Variants in HMMR observed in about 807,000 individuals in gnomAD.
HMMR encodes the protein hyaluronan mediated motility receptor.
A neutral mutation model predicts 101.0 loss-of-function variants in HMMR; 108 were observed. The observed-to-expected ratio is 1.07, with a 90% CI of 0.92 to 1.25. The LOEUF is 1.25. Ranked by LOEUF, HMMR falls within the 50% of genes most tolerant of loss-of-function variation. HMMR has a pLI of 0.00. For synonymous variants in HMMR, 296 were observed against 276.4 expected, an observed-to-expected ratio of 1.07 and a Z score of -0.70; for missense variants, 813 against 788.7, an observed-to-expected ratio of 1.03 and a Z score of -0.37.
chr5:163,489,048 G>T (rs1759584215), intron 16 of HMMR, among the ~76,000 whole-genome samples: 1 of 152,164 alleles, frequency 6.6e-6, no homozygotes, highest in East Asian at 1.9e-4. Context: ...CTTGTGATGG[G>T]TTTATGTGGA....
intron 4 of HMMR, among the ~76,000 whole-genome samples, chr5:163,468,346 T>C (rs1266924229): frequency 6.6e-6 from 1 of 152,240 alleles, no homozygotes; most frequent in African/African-American, 2.4e-5. Flanking sequence ...GCAGCTACCA[T>C]ACTGGACAGG....
chr5:163,488,016 C>T (rs1009947596), intron 16 of HMMR, among the ~76,000 whole-genome samples: 12 of 152,094 alleles, frequency 7.9e-5, no homozygotes, highest in African/African-American at 1.2e-4. Context: ...CCACCACATC[C>T]GGCTAATTTT....
chr5:163,478,815 A>G lies in HMMR; in HGVS notation c.1385+15A>G. 2 of 1,358,256 alleles carry G rather than the reference A, an allele frequency of 1.5e-6. No individual in the cohort carries two copies. Among genetic ancestry groups the G allele is most frequent in the Admixed American group, 3.3e-5 (2 of 59,712 alleles). 84.1% of individuals were successfully genotyped at this position (1,358,256 alleles called of 1,614,324 possible). On this transcript the variant is annotated intron_variant, in intron 12 of 17. Coordinates refer to ENST00000393915, the MANE Select transcript of HMMR (RefSeq NM_001142556.2). ...CAATTTGAAAGGTATTTTTCTTGGG[A>G]GCCTGCACTCTTAAATATGATGTGT...
intron 5 of HMMR, among the ~76,000 whole-genome samples, chr5:163,470,880 G>A (rs1758863706): frequency 6.6e-6 from 1 of 152,040 alleles, no homozygotes; most frequent in South Asian, 2.1e-4. Context: ...GGTAATCCCA[G>A]CTACTCAGGA....
rs902194149 is a variant in HMMR, at chr5:163,469,719, G to A, written c.352G>A (p.Ala118Thr). ...DLETELEKME[A>T]RLNAALREKT... ...GGAAACTGAGTTGGAAAAGATGGAA[G>A]CAAGGCTAAATGCTGCACTAAGGGA... is the stretch of plus-strand genomic sequence containing the variant. The change falls in exon 5 of 18, where the codon GCA (alanine) becomes ACA (threonine). Residue 118 changes from alanine (A) to threonine (T), a missense_variant. Physicochemically the swap from Ala to Thr is moderately conservative, Grantham distance 58. Transcript: ENST00000393915. 2 of 1,613,556 alleles carry A rather than the reference G, an allele frequency of 1.2e-6. No individual in the cohort carries two copies. The highest frequency in any genetic ancestry group is 1.3e-5 in the African/African-American group (1 of 74,904).
intron 1 of HMMR, among the ~76,000 whole-genome samples, chr5:163,463,233 A>G (rs1233819556): frequency 6.6e-6 from 1 of 152,212 alleles, no homozygotes; most frequent in Non-Finnish European, 1.5e-5. Flanking sequence ...TTCTTTGTCT[A>G]TAAATTATCA....
chr5:163,486,338 A>C (rs1430334275), intron 16 of HMMR, among the ~76,000 whole-genome samples: 2 of 152,170 alleles, frequency 1.3e-5, no homozygotes, highest in Non-Finnish European at 2.9e-5. Flanking sequence ...TTCAGAGTAT[A>C]AGTTTTCCAC....
intron 12 of HMMR, among the ~76,000 whole-genome samples, chr5:163,479,444 G>A (rs1759184615): frequency 6.6e-6 from 1 of 152,180 alleles, no homozygotes; most frequent in Admixed American, 6.5e-5. Context: ...ACCAAGGCAG[G>A]AGGATTGCTT....
rs781660866 is a variant in HMMR, at chr5:163,478,741, G to T, written c.1326G>T (p.Leu442Phe). ...SAAHTQATLL[L>F]QEKYDSMVQS... is the part of the protein sequence containing the mutation. ...CTCATACCCAGGCCACCCTGCTTTT[G>T]CAGGAAAAGTATGACAGTATGGTGC... Residue 442 changes from leucine (L) to phenylalanine (F), a missense_variant, in exon 12 of 18, where the codon TTG becomes TTT. Physicochemically the swap from Leu to Phe is conservative, Grantham distance 22 (BLOSUM62 0). Transcript: ENST00000393915. 3.7e-6 allele frequency: 6 copies of T among 1,613,676 alleles called. No individual in the cohort carries two copies. Among genetic ancestry groups the T allele is most frequent in the Middle Eastern group, 3.3e-4 (2 of 6,060 alleles).
intron 9 of HMMR, 49 bp downstream of exon 9, chr5:163,473,606 A>G (rs1476750582): frequency 1.7e-6 from 2 of 1,168,882 alleles, no homozygotes; most frequent in Non-Finnish European, 2.4e-6. Context: ...GTTACATACA[A>G]CATTTAGGAA....
chr5:163,490,765 A>G (rs894776984), intron 17 of HMMR, among the ~76,000 whole-genome samples: 1 of 152,226 alleles, frequency 6.6e-6, no homozygotes, highest in Non-Finnish European at 1.5e-5. Flanking sequence ...CTTCAAGGCA[A>G]ATCTCAAATC....
intron 12 of HMMR, among the ~76,000 whole-genome samples, chr5:163,480,125 A>G (rs1005404578): frequency 2.0e-5 from 3 of 152,200 alleles, no homozygotes; most frequent in African/African-American, 7.2e-5. Context: ...AAAGATTTTC[A>G]ACAACTTAGT....
intron 3 of HMMR, among the ~76,000 whole-genome samples, chr5:163,465,619 A>G (rs1758678334): frequency 6.6e-6 from 1 of 151,926 alleles, no homozygotes; most frequent in South Asian, 2.1e-4. Context: ...AAGTGCTGGG[A>G]TTACAGGTGT....
chr5:163,485,967 T>A (rs1013259937), intron 16 of HMMR, among the ~76,000 whole-genome samples: 10 of 152,220 alleles, frequency 6.6e-5, no homozygotes, highest in Non-Finnish European at 1.3e-4. Flanking sequence ...TGTACATGTA[T>A]GGATTTATTT....
intron 4 of HMMR, 21 bp downstream of exon 4, chr5:163,467,769 A>C: frequency 1.5e-6 from 2 of 1,346,638 alleles, no homozygotes. Context: ...CTTTAAACTT[A>C]GTGAAAAGTA....
intron 16 of HMMR, among the ~76,000 whole-genome samples, chr5:163,488,265 C>T (rs963879752): frequency 4.6e-5 from 7 of 152,042 alleles, no homozygotes; most frequent in Admixed American, 4.6e-4. Context: ...ATGACAGGTC[C>T]CGTCAGCCAG....
At chr5:163,464,380 C>A (rs1394469835) in intron 2 of HMMR, among the ~76,000 whole-genome samples, 1 of 152,172 alleles carries the variant, frequency 6.6e-6, no homozygotes, top group Non-Finnish European at 1.5e-5. Context: ...CTCTGTGAGG[C>A]CAAGGTGGGT....
Position 163,467,748 on chromosome 5 carries a change from G to T in HMMR, c.273G>T (p.Glu91Asp). The T allele has an allele frequency of 6.7e-7, 1 of 1,483,978 alleles. No homozygotes were observed. The highest frequency in any genetic ancestry group is 1.1e-5 in the South Asian group (1 of 87,382). 91.9% of individuals were successfully genotyped at this position (1,483,978 alleles called of 1,614,324 possible). ...AAGATTTGAAGATATTAGAGAAAGA[G>T]GTAAGCAGTGCTTTAAACTTAGTGA... ...NDKDLKILEK[E>D]IRVLLQERGA... Residue 91 changes from glutamate to aspartate, a missense_variant and splice_region_variant, in exon 4 of 18, where the codon GAG (glutamate) becomes GAT (aspartate). Coordinates refer to ENST00000393915, the MANE Select transcript of HMMR (RefSeq NM_001142556.2).
At position 163,483,006 on chromosome 5, in the gene HMMR, C is replaced by T. The variant is rs555775307; in HGVS notation, c.1533-14C>T. On this transcript the variant is annotated splice_polypyrimidine_tract_variant and intron_variant, in intron 13 of 17. Coordinates refer to ENST00000393915, the MANE Select transcript of HMMR (RefSeq NM_001142556.2). ...TATAAAATGTTTAGTGACCTCTTCT[C>T]TCTCAAACCAAAGGATGCTTCTAGA... 7.6e-6 allele frequency: 12 copies of T among 1,573,156 alleles called. No homozygotes were observed. In the African/African-American group the frequency reaches 1.4e-4, roughly 18 times the overall value.
Sources: gnomAD v4.1 joint callset for allele counts (sites outside exome capture counted in the v4.1 genomes callset) on GRCh38, gnomAD v4.1.1 for gene constraint, MANE v1.5 for transcripts, NCBI Gene and HGNC (gene_info 2026-07-23, HGNC 2026-07-21) for gene names.